COL4A1: variants seen among roughly 807,000 people sequenced by gnomAD.
The protein encoded by COL4A1 is collagen type IV alpha 1 chain.
In COL4A1, 40 loss-of-function variants were observed where a neutral mutation model predicts 216.6. The observed-to-expected ratio is 0.18, with a 90% CI of 0.14 to 0.24. The LOEUF (loss-of-function observed/expected upper bound fraction) is 0.24. Among genes scored for constraint, COL4A1 ranks in the 10% least tolerant of loss-of-function variants. The pLI is 1.00. For missense variants in COL4A1, 1,628 were observed against 2,196.8 expected (o/e 0.74, Z 5.18); for synonymous variants, 839 against 810.7 (o/e 1.03, Z -0.59).
At chr13:110,179,132 G>T in intron 30 of COL4A1, 96 bp from the exon 31 acceptor site, 1 of 1,536,044 alleles carries the variant, frequency 6.5e-7, no homozygotes, top group Non-Finnish European at 9.0e-7. Context: ...GCAACGGAAA[G>T]CCACGAGCTC....
chr13:110,204,100 CATT>C (rs773105379), intron 17 of COL4A1, among the ~76,000 whole-genome samples: 3 of 152,084 alleles, frequency 2.0e-5, no homozygotes, highest in Non-Finnish European at 2.9e-5. Flanking sequence ...TAACTGAAAA[CATT>C]AGTGGATAAA....
At chr13:110,201,712 G>A (rs763887208) in intron 18 of COL4A1, 190 bp from the exon 19 acceptor site, 11 of 735,468 alleles carry the variant, frequency 1.5e-5, no homozygotes, top group East Asian at 2.6e-5. Flanking sequence ...AGGCCGGTGC[G>A]GTGGCTCACG....
intron 49 of COL4A1, among the ~76,000 whole-genome samples, chr13:110,156,156 T>C (rs1306777999): frequency 6.6e-6 from 1 of 152,232 alleles, no homozygotes; most frequent in Non-Finnish European, 1.5e-5. Flanking sequence ...GGCAAAGCTC[T>C]AACAGTGGCT....
At chr13:110,158,189 A>G (rs1347539606) in intron 49 of COL4A1, among the ~76,000 whole-genome samples, 1 of 151,126 alleles carries the variant, frequency 6.6e-6, no homozygotes, top group East Asian at 2.0e-4. Context: ...AGTGTAATGA[A>G]TGATATTCTC....
At chr13:110,283,981 A>G (rs1883741221) in intron 1 of COL4A1, among the ~76,000 whole-genome samples, 1 of 152,148 alleles carries the variant, frequency 6.6e-6, no homozygotes, top group African/African-American at 2.4e-5. Context: ...AGGAGCCTTC[A>G]GCAAAGGGTC....
At chr13:110,161,862 C>CT (rs113935889) in intron 48 of COL4A1, 682 of 334,728 alleles carry the variant, frequency 2.0e-3, no homozygotes, top group African/African-American at 9.0e-3. Context: ...TAACATGGAC[C>CT]TTTTTTTTTA....
chr13:110,216,964 C>T (rs1880115515), intron 2 of COL4A1, among the ~76,000 whole-genome samples: 1 of 152,160 alleles, frequency 6.6e-6, no homozygotes, highest in South Asian at 2.1e-4. Flanking sequence ...CCAAATGTCA[C>T]CAGAAAGTTT....
intron 2 of COL4A1, among the ~76,000 whole-genome samples, chr13:110,214,579 A>G (rs998318588): frequency 2.6e-5 from 4 of 152,168 alleles, no homozygotes; most frequent in African/African-American, 9.7e-5. Context: ...AGGCCCGGAT[A>G]GAACAAAAAG....
intron 49 of COL4A1, among the ~76,000 whole-genome samples, chr13:110,160,509 G>C (rs1168134372): frequency 6.6e-6 from 1 of 151,950 alleles, no homozygotes; most frequent in South Asian, 2.1e-4. Context: ...GTCTTAAAAG[G>C]CTCCTTGGGG....
At chr13:110,223,448 C>A (rs1270103623) in intron 2 of COL4A1, among the ~76,000 whole-genome samples, 1 of 152,210 alleles carries the variant, frequency 6.6e-6, no homozygotes, top group Non-Finnish European at 1.5e-5. Flanking sequence ...CTTTGCTTAA[C>A]CTATCAGCAT....
chr13:110,303,254 G>C (rs1299823111), intron 1 of COL4A1, among the ~76,000 whole-genome samples: 5 of 151,996 alleles, frequency 3.3e-5, no homozygotes, highest in African/African-American at 9.7e-5. Context: ...CTCCTGACTA[G>C]AATCAGTCAT....
Position 110,213,998 on chromosome 13 carries a change from C to T in COL4A1, c.162G>A (p.Pro54=), listed in dbSNP as rs541223737. 5 of 1,613,912 alleles carry T rather than the reference C, an allele frequency of 3.1e-6. No individual in the cohort carries two copies. The Admixed American group carries it at 5.0e-5, about 16-fold the overall frequency. Residue 54 remains proline (P), a synonymous_variant, in exon 3 of 52, where the codon CCG becomes CCA. Transcript: ENST00000375820. ...VKGQKGERGL[P]GLQGVIGFPG... is the part of the protein sequence containing the mutation. ...GAAACCCAATGACACCTTGTAACCC[C>T]GGGAGGCCTCTTTCACCCTACAGAA...
intron 2 of COL4A1, among the ~76,000 whole-genome samples, chr13:110,217,243 C>T (rs1880132136): frequency 6.6e-6 from 1 of 152,158 alleles, no homozygotes; most frequent in African/African-American, 2.4e-5. Context: ...AATTATTCCT[C>T]CAAGATTTTA....
At chr13:110,162,020 A>T in intron 48 of COL4A1, 1 of 640,784 alleles carries the variant, frequency 1.6e-6, no homozygotes, top group South Asian at 1.8e-5. Context: ...TTGGCTTGCC[A>T]TTAGTAATAC....
In COL4A1 at chr13:110,296,575, G is replaced by C. The variant is rs368271318; in HGVS notation, c.84+10369C>G. On this transcript the variant is annotated intron_variant, in intron 1 of 51. Coordinates refer to ENST00000375820, the MANE Select transcript of COL4A1 (RefSeq NM_001845.6). ...TCACAACAAGCTTCTGACACCGGCT[G>C]TGTGGGAGGTTTCCCCACATACCAA... 2.0e-5 allele frequency among the ~76,000 whole-genome samples: 3 copies of C among 152,246 alleles called. No individual in the cohort carries two copies. The East Asian group carries it at 5.8e-4, about 29-fold the overall frequency.
chr13:110,209,963 C>A lies in COL4A1; in HGVS notation c.615+17G>T. The A allele has an allele frequency of 6.2e-7, 1 of 1,613,882 alleles. No individual in the cohort carries two copies. The highest frequency in any genetic ancestry group is 8.5e-7 in the Non-Finnish European group (1 of 1,179,768). ...TTTTTAAATGATTGCCTCGGAGAGA[C>A]AGCCCCCAAAACTTACTGGTGGTCC... On this transcript the variant is annotated intron_variant, in intron 10 of 51. Transcript: ENST00000375820.
At chr13:110,261,920 C>T (rs970298865) in intron 1 of COL4A1, among the ~76,000 whole-genome samples, 18 of 152,238 alleles carry the variant, frequency 1.2e-4, no homozygotes, top group Admixed American at 3.9e-4. Flanking sequence ...GAGGCCAGCA[C>T]ACAGTGGCTG....
chr13:110,199,580 C>A (rs1416679956), intron 20 of COL4A1, among the ~76,000 whole-genome samples: 1 of 152,152 alleles, frequency 6.6e-6, no homozygotes, highest in Non-Finnish European at 1.5e-5. Flanking sequence ...AAGGAACTAC[C>A]CGGGCACGAG....
intron 49 of COL4A1, among the ~76,000 whole-genome samples, chr13:110,156,211 ATTTG>A (rs1233774152): frequency 6.6e-6 from 1 of 152,228 alleles, no homozygotes; most frequent in Non-Finnish European, 1.5e-5. Context: ...TTCTTTGGGC[ATTTG>A]AGTGTTTTCC....
Sources: allele counts gnomAD v4.1 joint callset (sites outside exome capture counted in the v4.1 genomes callset), GRCh38; gene constraint gnomAD v4.1.1; transcripts MANE v1.5; gene names NCBI Gene and HGNC (gene_info 2026-07-23, HGNC 2026-07-21).